KCND2: variants seen among roughly 807,000 people sequenced by gnomAD.
KCND2 encodes the protein potassium voltage-gated channel subfamily D member 2, also known as A-type voltage-gated potassium channel KCND2.
A neutral mutation model predicts 54.4 loss-of-function variants in KCND2; 16 were observed. The ratio of observed to expected loss-of-function variants is 0.29; its 90% CI spans 0.20 to 0.45. The LOEUF is 0.45. Among genes scored for constraint, KCND2 ranks in the 20% least tolerant of loss-of-function variants. The pLI is 1.00. For synonymous variants in KCND2, 317 were observed against 310.7 expected (o/e 1.02, Z -0.21); for missense variants, 486 against 824.2 (o/e 0.59, Z 5.02).
chr7:120,460,637 AC>A (rs1467390155), intron 1 of KCND2, among the ~76,000 whole-genome samples: 1 of 151,274 alleles, frequency 6.6e-6, no homozygotes, highest in Non-Finnish European at 1.5e-5. Context: ...TTTATTTCGA[AC>A]CTGTTTAGGG....
intron 1 of KCND2, among the ~76,000 whole-genome samples, chr7:120,670,785 G>A (rs1214065719): frequency 1.3e-5 from 2 of 151,798 alleles, no homozygotes; most frequent in African/African-American, 4.8e-5. Flanking sequence ...GCGTGGTGGC[G>A]GGTGCCTGTA....
At chr7:120,543,855 C>A (rs1224773652) in intron 1 of KCND2, among the ~76,000 whole-genome samples, 1 of 151,998 alleles carries the variant, frequency 6.6e-6, no homozygotes, top group Non-Finnish European at 1.5e-5. Context: ...TTGGACACAA[C>A]TGACTCTCAT....
At chr7:120,459,926 TAGA>T (rs774527701) in intron 1 of KCND2, among the ~76,000 whole-genome samples, 4 of 152,326 alleles carry the variant, frequency 2.6e-5, no homozygotes, top group Non-Finnish European at 4.4e-5. Flanking sequence ...TCAGAGAACA[TAGA>T]AGAAGGAGAA....
At chr7:120,659,382 C>G (rs1243075062) in intron 1 of KCND2, among the ~76,000 whole-genome samples, 1 of 152,182 alleles carries the variant, frequency 6.6e-6, no homozygotes, top group Non-Finnish European at 1.5e-5. Context: ...CTGCTACAGA[C>G]AACACAACCA....
At chr7:120,283,031 A>G (rs957804380) in intron 1 of KCND2, among the ~76,000 whole-genome samples, 1 of 152,188 alleles carries the variant, frequency 6.6e-6, no homozygotes, top group African/African-American at 2.4e-5. Context: ...CAAGCCTGCT[A>G]TTTTGCATAG....
intron 2 of KCND2, among the ~76,000 whole-genome samples, chr7:120,741,037 T>C (rs975110703): frequency 1.4e-5 from 2 of 145,436 alleles, no homozygotes; most frequent in African/African-American, 5.1e-5. Context: ...TATAGATGAA[T>C]AATGATTCTT....
At chr7:120,411,491 A>C (rs2116108993) in intron 1 of KCND2, among the ~76,000 whole-genome samples, 1 of 152,040 alleles carries the variant, frequency 6.6e-6, no homozygotes, top group Admixed American at 6.6e-5. Context: ...GTTTTCTATC[A>C]AATTAGGAAA....
intron 1 of KCND2, among the ~76,000 whole-genome samples, chr7:120,343,177 A>C (rs1800266720): frequency 6.6e-6 from 1 of 152,160 alleles, no homozygotes; most frequent in Non-Finnish European, 1.5e-5. Context: ...GGACTAGTCA[A>C]CTTTGTGGGC....
At chr7:120,565,264 T>TA (rs1792282610) in intron 1 of KCND2, among the ~76,000 whole-genome samples, 1 of 152,202 alleles carries the variant, frequency 6.6e-6, no homozygotes, top group African/African-American at 2.4e-5. Flanking sequence ...ACAAGGCATC[T>TA]AATGGCTGTG....
Position 120,275,665 on chromosome 7 carries a change from G to A in KCND2, c.1033G>A (p.Ala345Thr), listed in dbSNP as rs2116244445. ...CATCTTCGCTACAGTTATGTTCTAC[G>A]CAGAGAAGGGGTCTTCGGCTAGCAA... Reference protein sequence around the residue: ...IIIFATVMFYAEKGSSASKFT... With the variant: ...IIIFATVMFYTEKGSSASKFT... The change falls in exon 1 of 6, where the codon GCA (alanine) becomes ACA (threonine). Residue 345 changes from alanine to threonine, a missense_variant. This residue lies in a region of KCND2 where 23 missense variants were observed against 33.7 expected (regional missense o/e 0.68). Coordinates refer to ENST00000331113, the MANE Select transcript of KCND2 (RefSeq NM_012281.3). The A allele has an allele frequency of 3.1e-6, 5 of 1,604,280 alleles. No individual in the cohort carries two copies. The highest frequency in any genetic ancestry group is 2.2e-5 in the East Asian group (1 of 44,854).
At chr7:120,660,201 A>G (rs939544952) in intron 1 of KCND2, among the ~76,000 whole-genome samples, 2 of 152,228 alleles carry the variant, frequency 1.3e-5, no homozygotes, top group African/African-American at 4.8e-5. Context: ...ATGTCCAAGA[A>G]GAAAGCAACT....
intron 1 of KCND2, among the ~76,000 whole-genome samples, chr7:120,585,510 G>C (rs1264578212): frequency 1.3e-5 from 2 of 152,128 alleles, no homozygotes; most frequent in East Asian, 3.9e-4. Flanking sequence ...ATGGTGCTTG[G>C]ACATAGTAGA....
At chr7:120,732,614 T>TA (rs1322466793) in intron 1 of KCND2, among the ~76,000 whole-genome samples, 3 of 152,122 alleles carry the variant, frequency 2.0e-5, no homozygotes, top group Non-Finnish European at 4.4e-5. Flanking sequence ...TCATGGCATA[T>TA]AAAGGAAAAA....
chr7:120,607,195 T>A (rs1256699966), intron 1 of KCND2, among the ~76,000 whole-genome samples: 2 of 152,084 alleles, frequency 1.3e-5, no homozygotes, highest in Non-Finnish European at 2.9e-5. Flanking sequence ...AGGTTTGTTT[T>A]TTTTTTTCTT....
chr7:120,577,597 T>G (rs1308301525), intron 1 of KCND2, among the ~76,000 whole-genome samples: 1 of 152,128 alleles, frequency 6.6e-6, no homozygotes, highest in Non-Finnish European at 1.5e-5. Context: ...TGGTTTTGTT[T>G]TGTTTAGAGA....
At chr7:120,427,614 A>G (rs972938430) in intron 1 of KCND2, among the ~76,000 whole-genome samples, 2 of 152,236 alleles carry the variant, frequency 1.3e-5, no homozygotes, top group African/African-American at 4.8e-5. Flanking sequence ...TAATATTTGA[A>G]ACAAATATAA....
At chr7:120,443,587 CAT>C (rs1286830786) in intron 1 of KCND2, among the ~76,000 whole-genome samples, 6 of 151,942 alleles carry the variant, frequency 3.9e-5, no homozygotes, top group African/African-American at 1.4e-4. Flanking sequence ...CTTCTTGAAT[CAT>C]ATGATTCCTT....
intron 1 of KCND2, among the ~76,000 whole-genome samples, chr7:120,427,808 G>A (rs1801733997): frequency 6.6e-6 from 1 of 151,944 alleles, no homozygotes. Flanking sequence ...TATCTAAATT[G>A]ACAAAAATGC....
intron 1 of KCND2, among the ~76,000 whole-genome samples, chr7:120,347,957 C>T (rs778424621): frequency 9.2e-5 from 14 of 152,078 alleles, no homozygotes; most frequent in African/African-American, 3.1e-4. Flanking sequence ...AGTGCATCAT[C>T]ACATGGTGGA....
Sources: allele counts gnomAD v4.1 joint callset (sites outside exome capture counted in the v4.1 genomes callset), GRCh38; gene constraint gnomAD v4.1.1; regional missense constraint gnomAD v4.1.1; transcripts MANE v1.5; gene names NCBI Gene and HGNC (gene_info 2026-07-23, HGNC 2026-07-21).